NRG3: variants seen among roughly 807,000 people sequenced by gnomAD.
The protein encoded by NRG3 is neuregulin 3.
In NRG3, 31 loss-of-function variants were observed where a neutral mutation model predicts 66.9. The ratio of observed to expected loss-of-function variants is 0.46; its 90% CI spans 0.35 to 0.63. The LOEUF is 0.63. Ranked by LOEUF, NRG3 falls within the 20% of genes least tolerant of loss-of-function variation. The pLI is 0.00. For missense variants in NRG3, 910 were observed against 878.9 expected (o/e 1.04, Z -0.45); for synonymous variants, 393 against 359.4 (o/e 1.09, Z -1.06).
intron 5 of NRG3, among the ~76,000 whole-genome samples, chr10:82,954,883 C>T (rs1849886738): frequency 6.6e-6 from 1 of 151,678 alleles, no homozygotes; most frequent in Admixed American, 6.6e-5. Context: ...TATCCAAACT[C>T]TACCTTGACC....
At chr10:82,091,870 G>A (rs1168707519) in intron 1 of NRG3, among the ~76,000 whole-genome samples, 1 of 152,138 alleles carries the variant, frequency 6.6e-6, no homozygotes, top group Non-Finnish European at 1.5e-5. Flanking sequence ...GAAACAGTAA[G>A]TTGGATTTGC....
intron 1 of NRG3, among the ~76,000 whole-genome samples, chr10:82,289,011 G>C (rs2079574363): frequency 6.6e-6 from 1 of 152,162 alleles, no homozygotes; most frequent in African/African-American, 2.4e-5. Context: ...TTTAGTAGAA[G>C]TGCTGCCACT....
chr10:82,466,320 G>A (rs1230204754), intron 2 of NRG3, among the ~76,000 whole-genome samples: 1 of 152,108 alleles, frequency 6.6e-6, no homozygotes, highest in Non-Finnish European at 1.5e-5. Context: ...AAAAGAATAT[G>A]CATCACAAGA....
intron 2 of NRG3, among the ~76,000 whole-genome samples, chr10:82,568,433 A>C (rs933606318): frequency 2.6e-5 from 4 of 151,866 alleles, no homozygotes; most frequent in African/African-American, 9.7e-5. Context: ...GTATTAACAA[A>C]AATTAGTTTA....
intron 2 of NRG3, among the ~76,000 whole-genome samples, chr10:82,575,848 C>T (rs968556766): frequency 4.6e-5 from 7 of 151,618 alleles, no homozygotes; most frequent in Admixed American, 1.3e-4. Flanking sequence ...TTAAGTTCAA[C>T]GTATGTCAAG....
At chr10:81,893,507 C>T (rs1037718007) in intron 1 of NRG3, among the ~76,000 whole-genome samples, 1 of 151,898 alleles carries the variant, frequency 6.6e-6, no homozygotes, top group Non-Finnish European at 1.5e-5. Context: ...TTTCTAAATT[C>T]ACATCCAGGA....
intron 5 of NRG3, among the ~76,000 whole-genome samples, chr10:82,952,584 G>T (rs368687462): frequency 1.4e-5 from 2 of 147,416 alleles, no homozygotes; most frequent in East Asian, 2.1e-4. Context: ...CTGCACTTAA[G>T]AAATGCAGAT....
chr10:82,894,538 A>AT, intron 4 of NRG3, among the ~76,000 whole-genome samples: 1 of 137,900 alleles, frequency 7.3e-6, no homozygotes, highest in East Asian at 2.2e-4. Flanking sequence ...TTAATATGTC[A>AT]TTTTTCCTGT....
intron 3 of NRG3, among the ~76,000 whole-genome samples, chr10:82,782,061 T>C (rs2060138467): frequency 6.6e-6 from 1 of 152,144 alleles, no homozygotes; most frequent in African/African-American, 2.4e-5. Context: ...TTGAAGACTA[T>C]GGTCATGCTA....
intron 3 of NRG3, among the ~76,000 whole-genome samples, chr10:82,795,772 C>T (rs1475406787): frequency 1.3e-5 from 2 of 152,046 alleles, no homozygotes; most frequent in African/African-American, 4.8e-5. Flanking sequence ...AAACTGGAAT[C>T]TCTTGTTTTC....
At chr10:82,453,153 A>G (rs1476202396) in intron 2 of NRG3, among the ~76,000 whole-genome samples, 2 of 152,164 alleles carry the variant, frequency 1.3e-5, no homozygotes, top group African/African-American at 4.8e-5. Context: ...TTATTATTAT[A>G]TGGGATTATA....
chr10:82,755,201 T>C (rs1335553447), intron 3 of NRG3, among the ~76,000 whole-genome samples: 3 of 152,132 alleles, frequency 2.0e-5, no homozygotes, highest in Non-Finnish European at 4.4e-5. Context: ...CCTGTTTACA[T>C]GGTGACCTGA....
chr10:82,641,622 C>G (rs2050589636), intron 2 of NRG3, among the ~76,000 whole-genome samples: 1 of 152,140 alleles, frequency 6.6e-6, no homozygotes. Flanking sequence ...CAGGCACTCA[C>G]AGCATCAGAA....
intron 2 of NRG3, among the ~76,000 whole-genome samples, chr10:82,712,784 A>G (rs756500409): frequency 6.6e-6 from 1 of 152,132 alleles, no homozygotes; most frequent in Non-Finnish European, 1.5e-5. Flanking sequence ...GAACATGAGA[A>G]TATTACTGAT....
intron 2 of NRG3, among the ~76,000 whole-genome samples, chr10:82,375,585 A>G (rs544024082): frequency 6.6e-6 from 1 of 152,302 alleles, no homozygotes; most frequent in African/African-American, 2.4e-5. Context: ...GAAAGCTGTA[A>G]TGTGTAAACA....
intron 2 of NRG3, among the ~76,000 whole-genome samples, chr10:82,491,243 G>C (rs1843066242): frequency 8.9e-6 from 1 of 112,612 alleles, no homozygotes; most frequent in African/African-American, 2.9e-5. Context: ...GAAGTAAACT[G>C]CCTGCCATCT....
In NRG3 at chr10:82,477,358, CATA is replaced by C. The variant is rs200100309; in HGVS notation, c.953+118502_953+118504del. ...GATGAGAAATAGGTTTATTGAGATA[CATA>C]ATAATAATAATGCCAACATAGACCA... On this transcript the variant is annotated intron_variant, in intron 2 of 8. Transcript: ENST00000372141. Among the ~76,000 whole-genome samples, 647 of 152,148 alleles carry C rather than the reference CATA, an allele frequency of 4.3e-3. 5 individuals are homozygous for C. Among genetic ancestry groups the C allele is most frequent in the African/African-American group, 0.015 (626 of 41,524 alleles).
At chr10:81,904,642 A>G (rs1486135071) in intron 1 of NRG3, among the ~76,000 whole-genome samples, 2 of 152,126 alleles carry the variant, frequency 1.3e-5, no homozygotes, top group Non-Finnish European at 2.9e-5. Context: ...TGAGGACTTC[A>G]GTCGTATTTT....
intron 2 of NRG3, among the ~76,000 whole-genome samples, chr10:82,474,962 G>A (rs1157091938): frequency 6.6e-6 from 1 of 151,580 alleles, no homozygotes; most frequent in Admixed American, 6.6e-5. Flanking sequence ...CAGCGGGATG[G>A]TGTATTTAAT....
Sources: gnomAD v4.1 joint callset for allele counts (sites outside exome capture counted in the v4.1 genomes callset) on GRCh38, gnomAD v4.1.1 for gene constraint, MANE v1.5 for transcripts, NCBI Gene and HGNC (gene_info 2026-07-23, HGNC 2026-07-21) for gene names.